CDCA7L: variants seen among roughly 807,000 people sequenced by gnomAD.
The protein encoded by CDCA7L is cell division cycle associated 7 like.
CDCA7L carries 44 observed loss-of-function variants against 57.4 expected under a neutral mutation model. The ratio of observed to expected loss-of-function variants is 0.77; its 90% CI spans 0.60 to 0.98. CDCA7L has a LOEUF of 0.98. Among genes scored for constraint, CDCA7L ranks in the 50% least tolerant of loss-of-function variants. The pLI is 0.00. For missense variants in CDCA7L, 644 were observed against 580.6 expected (o/e 1.11, Z -1.12); for synonymous variants, 236 against 202.8 (o/e 1.16, Z -1.39).
intron 1 of CDCA7L, among the ~76,000 whole-genome samples, chr7:21,931,152 A>C (rs182589790): frequency 2.0e-5 from 3 of 152,344 alleles, no homozygotes; most frequent in Middle Eastern, 3.4e-3. Flanking sequence ...TGCCAACCAA[A>C]AGAGTCTAGG....
In CDCA7L at chr7:21,908,150, T is replaced by G; in HGVS notation, c.661A>C (p.Ile221Leu). 1 of 1,563,384 alleles carries G rather than the reference T, an allele frequency of 6.4e-7. No homozygotes were observed. The change falls in exon 4 of 10, where the codon ATC becomes CTC. Residue 221 changes from isoleucine (I) to leucine (L), a missense_variant. Physicochemically the swap from Ile to Leu is conservative, Grantham distance 5. Transcript: ENST00000406877. Reference sequence around the variant, plus strand: ...CTCACCATGGCTTTGTTCTCCTTGATGTTCATGGTCCTTTTCAGCAAAGCA... The same window carrying G: ...CTCACCATGGCTTTGTTCTCCTTGAGGTTCATGGTCCTTTTCAGCAAAGCA... ...SDALLKRTMN[I>L]KENKAMLAQL...
intron 1 of CDCA7L, among the ~76,000 whole-genome samples, chr7:21,938,579 A>T (rs546838468): frequency 6.6e-6 from 1 of 152,332 alleles, no homozygotes; most frequent in East Asian, 1.9e-4. Context: ...GAAAGCAGGG[A>T]CTGAAGCAGA....
chr7:21,906,168 G>C (rs1344545064), intron 6 of CDCA7L, 121 bp downstream of exon 6: 3 of 896,464 alleles, frequency 3.3e-6, no homozygotes, highest in Admixed American at 2.5e-5. Flanking sequence ...AGAAATGCAA[G>C]TTCTCAGCTG....
At chr7:21,917,976 T>C (rs990431500) in intron 1 of CDCA7L, among the ~76,000 whole-genome samples, 5 of 76,874 alleles carry the variant, frequency 6.5e-5, no homozygotes, top group African/African-American at 4.0e-4. Context: ...CACTGTTTTT[T>C]GTTGTTTTTC....
rs201701551 is a variant in CDCA7L, at chr7:21,906,597, A to G, written c.724T>C (p.Phe242Leu). The G allele has an allele frequency of 5.6e-5, 91 of 1,614,188 alleles. No homozygotes were observed. The highest frequency in any genetic ancestry group is 7.4e-5 in the Non-Finnish European group (87 of 1,180,042). Residue 242 changes from phenylalanine (F) to leucine (L), a missense_variant, in exon 5 of 10, where the codon TTC becomes CTC. By Grantham distance (22) the Phe-to-Leu change is conservative. Coordinates refer to ENST00000406877, the MANE Select transcript of CDCA7L (RefSeq NM_018719.5). ...GCTGAGGTTGGGGTTCGTACTGGGA[A>G]GAAATCTGGCATCGAGTTCAATTCC... ...LAELNSMPDF[F>L]PVRTPTSASR...
chr7:21,923,671 G>C (rs1455146395), intron 1 of CDCA7L, among the ~76,000 whole-genome samples: 1 of 152,180 alleles, frequency 6.6e-6, no homozygotes, highest in Non-Finnish European at 1.5e-5. Context: ...GGGAGGTTCA[G>C]ATACATCATT....
chr7:21,911,107 G>A (rs1785311288), intron 3 of CDCA7L, among the ~76,000 whole-genome samples: 1 of 129,850 alleles, frequency 7.7e-6, no homozygotes, highest in African/African-American at 2.9e-5. Flanking sequence ...TCAGCTCACT[G>A]CAACCTCTGC....
At chr7:21,944,767 G>A (rs1269849132) in intron 1 of CDCA7L, 2 of 151,912 alleles carry the variant, frequency 1.3e-5, no homozygotes, top group African/African-American at 4.8e-5. Flanking sequence ...CAACGCTGGC[G>A]GCCCCGCCTC....
At chr7:21,931,285 G>C (rs553176560) in intron 1 of CDCA7L, among the ~76,000 whole-genome samples, 52 of 152,260 alleles carry the variant, frequency 3.4e-4, no homozygotes, top group African/African-American at 1.1e-3. Context: ...TATGAGACCA[G>C]CATCATCCTG....
chr7:21,914,214 A>G (rs1785414471), intron 2 of CDCA7L, among the ~76,000 whole-genome samples: 2 of 152,204 alleles, frequency 1.3e-5, no homozygotes, highest in South Asian at 4.1e-4. Context: ...GCACCCAGCA[A>G]ACAACACCCC....
In CDCA7L at chr7:21,932,404, C is replaced by T. The variant is rs898997646; in HGVS notation, c.24+13377G>A. The stretch of plus-strand genomic sequence containing the variant: ...TCATGCTACCTGATTTCAATCTATA[C>T]TACAAGGCTACAGTAACCAAAACAG... On this transcript the variant is annotated intron_variant, in intron 1 of 9. Transcript: ENST00000406877. Among the ~76,000 whole-genome samples, 3 of 152,308 alleles carry T rather than the reference C, an allele frequency of 2.0e-5. No homozygotes were observed. The East Asian group carries it at 5.8e-4, about 29-fold the overall frequency.
intron 1 of CDCA7L, among the ~76,000 whole-genome samples, chr7:21,918,377 C>T (rs180940472): frequency 1.3e-5 from 2 of 152,196 alleles, no homozygotes; most frequent in Non-Finnish European, 2.9e-5. Flanking sequence ...TATCATGTCA[C>T]TCTGTATCAT....
intron 1 of CDCA7L, among the ~76,000 whole-genome samples, chr7:21,923,937 G>C (rs1785748586): frequency 6.6e-6 from 1 of 152,174 alleles, no homozygotes; most frequent in African/African-American, 2.4e-5. Context: ...TTTGACCTTT[G>C]TCAGCCTGAG....
At chr7:21,941,774 G>T (rs1786347541) in intron 1 of CDCA7L, among the ~76,000 whole-genome samples, 1 of 152,188 alleles carries the variant, frequency 6.6e-6, no homozygotes, top group South Asian at 2.1e-4. Context: ...TCTTTAAAAG[G>T]CAGATAACAC....
intron 1 of CDCA7L, 46 bp downstream of exon 1, chr7:21,945,735 C>CA (rs1319588151): frequency 6.2e-7 from 1 of 1,601,094 alleles, no homozygotes; most frequent in African/African-American, 1.4e-5. Context: ...AAAGGGAAGT[C>CA]AAACTGTGGG....
In CDCA7L at chr7:21,902,323, T is replaced by TAA; in HGVS notation, c.1362_1363dup (p.Ter455PhefsTer41). 1 of 1,613,848 alleles carries TAA rather than the reference T, an allele frequency of 6.2e-7. No individual in the cohort carries two copies. Among genetic ancestry groups the TAA allele is most frequent in the Non-Finnish European group, 8.5e-7 (1 of 1,179,754 alleles). ...TGGCTGGTTCTGTTTGTTTTCCTCT[T>TAA]AATTGTCTTCTACCAGCTCCTTTTG... On this transcript the variant is annotated frameshift_variant and stop_lost, in exon 10 of 10. Transcript: ENST00000406877. LOFTEE classifies it high-confidence loss of function.
intron 4 of CDCA7L, 22 bp downstream of exon 4, chr7:21,908,108 G>T: frequency 6.7e-7 from 1 of 1,499,134 alleles, no homozygotes; most frequent in Non-Finnish European, 8.8e-7. Context: ...CAACTCCCAG[G>T]ACGCCCTCCG....
In CDCA7L at chr7:21,901,520, G is replaced by A. The variant is rs757380118; in HGVS notation, c.*802C>T. Reference sequence around the variant, plus strand: ...GGAGGCAAAGGTTGCAGTGAGCCGAGGTTGCACCACTGCACTCCCTCCTGG... The same window carrying A: ...GGAGGCAAAGGTTGCAGTGAGCCGAAGTTGCACCACTGCACTCCCTCCTGG... On this transcript the variant is annotated 3_prime_UTR_variant, in exon 10 of 10. Coordinates refer to ENST00000406877, the MANE Select transcript of CDCA7L (RefSeq NM_018719.5). 3.2e-5 allele frequency: 9 copies of A among 282,964 alleles called. No individual in the cohort carries two copies. Among genetic ancestry groups the A allele is most frequent in the Non-Finnish European group, 4.4e-5 (7 of 158,764 alleles). The allele number at this position is 282,964 out of a possible 1,614,324, so 17.5% of individuals were successfully genotyped here.
At chr7:21,928,351 A>T (rs1393424640) in intron 1 of CDCA7L, among the ~76,000 whole-genome samples, 4 of 152,120 alleles carry the variant, frequency 2.6e-5, no homozygotes, top group Non-Finnish European at 5.9e-5. Flanking sequence ...ATGAGGAAAA[A>T]CCAGCACAAA....
Sources: gnomAD v4.1 joint callset for allele counts (sites outside exome capture counted in the v4.1 genomes callset) on GRCh38, gnomAD v4.1.1 for gene constraint, MANE v1.5 for transcripts, NCBI Gene and HGNC (gene_info 2026-07-23, HGNC 2026-07-21) for gene names.